The following APOL3 variants were observed in gnomAD, a reference collection of about 807,000 sequenced individuals.
APOL3 encodes the protein TNF-inducible protein CG12-1.
A neutral mutation model predicts 11.6 loss-of-function variants in APOL3; 14 were observed. That is an observed-to-expected ratio of 1.21 (90% confidence interval 0.80 to 1.89). The LOEUF is 1.89. APOL3 is among the 40% of genes most tolerant of loss of function. APOL3 has a pLI of 0.00. For missense variants in APOL3, 483 were observed against 492.1 expected (o/e 0.98, Z 0.17); for synonymous variants, 192 against 190.6 (o/e 1.01, Z -0.06).
At chr22:36,145,278 C>T (rs1236246022) in intron 2 of APOL3, among the ~76,000 whole-genome samples, 195 bp downstream of exon 3, 5 of 152,186 alleles carry the variant, frequency 3.3e-5, no homozygotes, top group Non-Finnish European at 7.3e-5. Flanking sequence ...GGCTTCCTCT[C>T]CCCTCAGCCT....
At chr22:36,151,612 C>T (rs1349174281) in intron 1 of APOL3, among the ~76,000 whole-genome samples, 1 of 152,078 alleles carries the variant, frequency 6.6e-6, no homozygotes, top group Admixed American at 6.6e-5. Context: ...AAAACAAAAA[C>T]AGAGCTAGAT....
chr22:36,142,847 C>G (rs568547378), intron 2 of APOL3, among the ~76,000 whole-genome samples: 2 of 152,178 alleles, frequency 1.3e-5, no homozygotes, highest in African/African-American at 4.8e-5. Flanking sequence ...ATGCCCATCC[C>G]GTGCTTGCTG....
chr22:36,163,837 C>T (rs1157605385), upstream of APOL3, among the ~76,000 whole-genome samples: 1 of 152,252 alleles, frequency 6.6e-6, no homozygotes, highest in Non-Finnish European at 1.5e-5. Context: ...GATGATGTCT[C>T]CACAGACAAA....
intron 2 of APOL3, among the ~76,000 whole-genome samples, chr22:36,144,784 A>C (rs2060123142): frequency 6.6e-6 from 1 of 152,038 alleles, no homozygotes; most frequent in Non-Finnish European, 1.5e-5. Context: ...CCGAGGCGGG[A>C]GGATCACGAG....
chr22:36,158,966 CGTGTGT>C (rs35041494), intron 1 of APOL3, among the ~76,000 whole-genome samples: 7,665 of 150,132 alleles, frequency 0.051, 194 homozygotes, highest in Middle Eastern at 0.092. Context: ...TGTGAGTGTG[CGTGTGT>C]GTGTGTGTGT....
At chr22:36,161,052 G>T (rs1209269735), upstream of APOL3, 1 of 642,128 alleles carries the variant, frequency 1.6e-6, no homozygotes, top group Non-Finnish European at 2.7e-6. Flanking sequence ...AGACCCTCCA[G>T]ATTACTCCCC....
At chr22:36,143,780 G>A (rs1361520773) in intron 2 of APOL3, among the ~76,000 whole-genome samples, 1 of 152,210 alleles carries the variant, frequency 6.6e-6, no homozygotes, top group Non-Finnish European at 1.5e-5. Context: ...TGCCTTAGCA[G>A]GTGACAGCTT....
intron 1 of APOL3, among the ~76,000 whole-genome samples, chr22:36,154,129 G>A (rs1461461279): frequency 6.6e-6 from 1 of 152,156 alleles, no homozygotes; most frequent in Non-Finnish European, 1.5e-5. Flanking sequence ...GAAAGCCTGT[G>A]TTGATATTAA....
At chr22:36,141,098 C>T in exon 3 of APOL3, 7 of 1,509,840 alleles carry the variant, frequency 4.6e-6, no homozygotes, top group Non-Finnish European at 6.2e-6. Context: ...CACTCAGCTC[C>T]ATAAACTTTA....
chr22:36,148,509 C>A (rs900088323), intron 1 of APOL3, among the ~76,000 whole-genome samples: 3 of 152,328 alleles, frequency 2.0e-5, no homozygotes, highest in East Asian at 3.9e-4. Flanking sequence ...ACAGAGAAGA[C>A]GTGGCAAAGG....
At chr22:36,165,321 T>C (rs747843239), upstream of APOL3, 5 of 152,132 alleles carry the variant, frequency 3.3e-5, no homozygotes, top group African/African-American at 4.8e-5. Flanking sequence ...GCAAGCATAG[T>C]CTTATGAAAT....
exon 3 of APOL3, chr22:36,141,211 G>A (rs1183110649): frequency 6.2e-7 from 1 of 1,613,278 alleles, no homozygotes; most frequent in East Asian, 2.2e-5. Context: ...CAGTGGGTAT[G>A]GCATGGATTC....
intron 2 of APOL3, among the ~76,000 whole-genome samples, chr22:36,143,516 T>A (rs533717966): frequency 6.6e-6 from 1 of 152,284 alleles, no homozygotes; most frequent in South Asian, 2.1e-4. Flanking sequence ...TAACTCTGAG[T>A]CCTTAAGCTA....
At chr22:36,147,435 C>T (rs909650448) in intron 1 of APOL3, among the ~76,000 whole-genome samples, 4 of 152,164 alleles carry the variant, frequency 2.6e-5, no homozygotes, top group African/African-American at 7.2e-5. Flanking sequence ...CATCTTGTTT[C>T]GGAGAGAGAG....
rs117657042 is a variant in APOL3, at chr22:36,144,445, G to A, written c.350+1028C>T. Among the ~76,000 whole-genome samples, 6 of 152,232 alleles carry A rather than the reference G, an allele frequency of 3.9e-5. No individual in the cohort carries two copies. In the East Asian group the frequency reaches 9.7e-4, roughly 25 times the overall value. On this transcript the variant is annotated intron_variant, in intron 2 of 2. Coordinates refer to ENST00000349314, the Ensembl canonical transcript of APOL3. ...CGCCCATCTGATTGAACTACTATTA[G>A]CATTGGAGAGATGGCAGGTCCCAGT... is the stretch of plus-strand genomic sequence containing the variant.
intron 2 of APOL3, among the ~76,000 whole-genome samples, chr22:36,143,648 A>G (rs537838873): frequency 3.3e-5 from 5 of 152,304 alleles, no homozygotes; most frequent in Admixed American, 1.3e-4. Flanking sequence ...CCTTTGACTG[A>G]AAAGTGAAAG....
At chr22:36,158,502 G>A (rs1411953909) in intron 1 of APOL3, among the ~76,000 whole-genome samples, 1 of 152,056 alleles carries the variant, frequency 6.6e-6, no homozygotes, top group Non-Finnish European at 1.5e-5. Context: ...GGAGTAGGCG[G>A]GTCCCTAACA....
chr22:36,149,817 C>T (rs1195347959), intron 1 of APOL3: 1 of 456,158 alleles, frequency 2.2e-6, no homozygotes, highest in Admixed American at 2.3e-5. Flanking sequence ...GTCTTGCACT[C>T]TATGCCCAAG....
Position 36,141,717 on chromosome 22 carries a change from GC to G in APOL3, c.691del (p.Ala231LeufsTer2). ...GATGCTGGTGGTGATCCCAGTCACA[GC>G]AGACGCTGCTCCCAGCCCTACCCCA... On this transcript the variant is annotated frameshift_variant, in exon 3 of 3. Transcript: ENST00000349314. LOFTEE classifies it low-confidence loss of function (END_TRUNC). The G allele has an allele frequency of 6.2e-7, 1 of 1,614,036 alleles. No individual in the cohort carries two copies.
Sources: gnomAD v4.1 joint callset for allele counts (sites outside exome capture counted in the v4.1 genomes callset) on GRCh38, gnomAD v4.1.1 for gene constraint, MANE v1.5 for transcripts, NCBI Gene and HGNC (gene_info 2026-07-23, HGNC 2026-07-21) for gene names.